Variants in SUPT3H observed in about 807,000 individuals in gnomAD.
SUPT3H encodes the protein SPT3 homolog, SAGA and STAGA complex component.
A neutral mutation model predicts 44.3 loss-of-function variants in SUPT3H; 44 were observed. The observed-to-expected ratio is 0.99, with a 90% CI of 0.78 to 1.28. The LOEUF (loss-of-function observed/expected upper bound fraction) is 1.28, where lower values mean the gene tolerates loss of function less well. Ranked by LOEUF, SUPT3H falls within the 50% of genes most tolerant of loss-of-function variation. The probability of loss-of-function intolerance (pLI) is 0.00; values close to 1 mark genes in which losing one functional copy is unlikely to be tolerated. For synonymous variants in SUPT3H, 124 were observed against 125.6 expected, an observed-to-expected ratio of 0.99 and a Z score of 0.09; for missense variants, 380 against 387.1, an observed-to-expected ratio of 0.98 and a Z score of 0.15.
chr6:45,276,664 C>T (rs996927609), intron 2 of SUPT3H, among the ~76,000 whole-genome samples: 1 of 152,138 alleles, frequency 6.6e-6, no homozygotes, highest in Admixed American at 6.6e-5. Flanking sequence ...AAATGTATTG[C>T]ATTTTTTGGT....
intron 2 of SUPT3H, among the ~76,000 whole-genome samples, chr6:45,238,669 CT>C (rs1769682223): frequency 6.6e-6 from 1 of 152,152 alleles, no homozygotes; most frequent in Non-Finnish European, 1.5e-5. Context: ...AGTAGAATGG[CT>C]TTTTCTTCCA....
Position 45,174,505 on chromosome 6 carries a change from T to C in SUPT3H, c.102-68499A>G, listed in dbSNP as rs761855446. On this transcript the variant is annotated intron_variant, in intron 2 of 10. Coordinates refer to ENST00000371459, the MANE Select transcript of SUPT3H (RefSeq NM_003599.4). ...AGACCATGCGGCAGGTTAAGAATCA[T>C]TGAGCATAAAGTGAGGTGAATAAGA... 9.9e-5 allele frequency among the ~76,000 whole-genome samples: 15 copies of C among 152,268 alleles called. No homozygotes were observed. The South Asian group carries it at 1.2e-3, about 13-fold the overall frequency.
intron 9 of SUPT3H, among the ~76,000 whole-genome samples, chr6:44,949,564 T>C (rs2153472148): frequency 6.7e-6 from 1 of 149,176 alleles, no homozygotes; most frequent in Admixed American, 6.7e-5. Flanking sequence ...TGTCACAAGA[T>C]ATGTAAAGAA....
intron 2 of SUPT3H, among the ~76,000 whole-genome samples, chr6:45,236,263 C>A (rs78926394): frequency 6.6e-6 from 1 of 152,184 alleles, no homozygotes; most frequent in South Asian, 2.1e-4. Context: ...GGCTCAAACC[C>A]AGGTCGAAAG....
chr6:44,921,632 T>G (rs1055335951), intron 10 of SUPT3H, among the ~76,000 whole-genome samples: 1 of 152,210 alleles, frequency 6.6e-6, no homozygotes, highest in Admixed American at 6.5e-5. Flanking sequence ...GAAATATTTG[T>G]CAACTATAAC....
At chr6:45,365,997 CATTTT>C (rs1795073572) in intron 1 of SUPT3H, among the ~76,000 whole-genome samples, 1 of 151,832 alleles carries the variant, frequency 6.6e-6, no homozygotes, top group African/African-American at 2.4e-5. Context: ...TAATGTATGA[CATTTT>C]ATTTAATGCA....
At chr6:45,257,888 T>G (rs1773679152) in intron 2 of SUPT3H, among the ~76,000 whole-genome samples, 1 of 152,244 alleles carries the variant, frequency 6.6e-6, no homozygotes, top group East Asian at 1.9e-4. Flanking sequence ...ATACCTCATT[T>G]TTATTATTTT....
At chr6:45,318,723 T>C (rs1426781694) in intron 2 of SUPT3H, among the ~76,000 whole-genome samples, 1 of 152,120 alleles carries the variant, frequency 6.6e-6, no homozygotes, top group Non-Finnish European at 1.5e-5. Context: ...ATTTCAAAAA[T>C]ATGCCATCTT....
chr6:45,377,279 A>T (rs1796930435), intron 1 of SUPT3H: 1 of 152,132 alleles, frequency 6.6e-6, no homozygotes, highest in African/African-American at 2.4e-5. Flanking sequence ...CAAGCTAAAT[A>T]ATTTCCCCAG....
At chr6:44,997,022 T>G (rs1040498274) in intron 6 of SUPT3H, among the ~76,000 whole-genome samples, 1 of 151,792 alleles carries the variant, frequency 6.6e-6, no homozygotes, top group Non-Finnish European at 1.5e-5. Context: ...CCACACTATT[T>G]TGACTGTCGT....
rs200478221 is a variant in SUPT3H, at chr6:45,288,553, A to G, written c.101+76648T>C. 5.8e-3 allele frequency among the ~76,000 whole-genome samples: 57 copies of G among 9,768 alleles called. 6 individuals carry two copies. The highest frequency in any genetic ancestry group is 0.055 in the East Asian group (10 of 182). The allele number at this position is 9,768 out of a possible 152,430, so 6.4% of individuals were successfully genotyped here. ...ACAATGTGTGTGTGTGTGTGTATATATATATATATATGTATATATATATAT... is the reference window on the plus strand; with the variant it reads ...ACAATGTGTGTGTGTGTGTGTATATGTATATATATATGTATATATATATAT... On this transcript the variant is annotated intron_variant, in intron 2 of 10. Coordinates refer to ENST00000371459, the MANE Select transcript of SUPT3H (RefSeq NM_003599.4).
rs191351918 is a variant in SUPT3H, at chr6:45,089,918, C to T, written c.186+16004G>A. On this transcript the variant is annotated intron_variant, in intron 3 of 10. Transcript: ENST00000371459. ...CCCCAGCTGTCTACAGAATTACATA[C>T]AAATTACTCAGTTTGAAATTCAATG... Among the ~76,000 whole-genome samples, 385 of 152,172 alleles carry T rather than the reference C, an allele frequency of 2.5e-3. 3 individuals carry two copies. Among genetic ancestry groups the T allele is most frequent in the African/African-American group, 8.7e-3 (361 of 41,560 alleles).
chr6:45,004,331 A>G (rs563368543), intron 5 of SUPT3H, among the ~76,000 whole-genome samples: 93 of 152,202 alleles, frequency 6.1e-4, no homozygotes, highest in African/African-American at 2.1e-3. Context: ...AGCAAAATGA[A>G]TAACACAAAG....
At chr6:45,113,689 G>T (rs1800400174) in intron 2 of SUPT3H, among the ~76,000 whole-genome samples, 2 of 152,054 alleles carry the variant, frequency 1.3e-5, no homozygotes, top group African/African-American at 4.8e-5. Context: ...GCTAGGCATG[G>T]CATGGTGGCG....
intron 2 of SUPT3H, among the ~76,000 whole-genome samples, chr6:45,277,946 A>C (rs1187085739): frequency 6.6e-6 from 1 of 152,240 alleles, no homozygotes. Context: ...CTATGCAGCC[A>C]TAAAAAAGGA....
chr6:45,365,350 T>C (rs748948937), intron 1 of SUPT3H, 49 bp from the exon 2 acceptor site: 18 of 1,210,130 alleles, frequency 1.5e-5, no homozygotes, highest in Admixed American at 2.2e-5. Flanking sequence ...TAGCTATAAG[T>C]AAATGCAAAA....
intron 2 of SUPT3H, among the ~76,000 whole-genome samples, chr6:45,141,302 G>C (rs138044273): frequency 2.7e-5 from 3 of 112,038 alleles, no homozygotes; most frequent in Admixed American, 1.4e-4. Flanking sequence ...TTGTGCCACT[G>C]CACTCCAGCC....
At chr6:45,155,331 G>A (rs1361943468) in intron 2 of SUPT3H, among the ~76,000 whole-genome samples, 1 of 152,108 alleles carries the variant, frequency 6.6e-6, no homozygotes, top group Non-Finnish European at 1.5e-5. Context: ...AGAAGATGGT[G>A]AACTAGTGTC....
At chr6:45,144,913 C>T (rs564009526) in intron 2 of SUPT3H, among the ~76,000 whole-genome samples, 22 of 152,188 alleles carry the variant, frequency 1.4e-4, no homozygotes, top group Non-Finnish European at 7.4e-5. Flanking sequence ...AACTCAAATA[C>T]TTTGACAACA....
Sources: gnomAD v4.1 joint callset for allele counts (sites outside exome capture counted in the v4.1 genomes callset) on GRCh38, gnomAD v4.1.1 for gene constraint, MANE v1.5 for transcripts, NCBI Gene and HGNC (gene_info 2026-07-23, HGNC 2026-07-21) for gene names.